The following PAK3 variants were observed in gnomAD, a reference collection of about 807,000 sequenced individuals.
The protein encoded by PAK3 is p21 (RAC1) activated kinase 3.
A neutral mutation model predicts 41.0 loss-of-function variants in PAK3; 4 were observed. The ratio of observed to expected loss-of-function variants is 0.10; its 90% CI spans 0.05 to 0.22. The LOEUF (loss-of-function observed/expected upper bound fraction) is 0.22, where lower values mean the gene tolerates loss of function less well. PAK3 is among the 10% of genes least tolerant of loss of function. PAK3 has a pLI of 1.00. For synonymous variants in PAK3, 146 were observed against 139.6 expected, an observed-to-expected ratio of 1.05 and a Z score of -0.32; for missense variants, 205 against 409.9, an observed-to-expected ratio of 0.50 and a Z score of 4.32.
At chrX:111,172,052 T>C (rs998508079) in intron 10 of PAK3, among the ~76,000 whole-genome samples, 11 of 111,743 alleles carry the variant, frequency 9.8e-5, no homozygotes, top group Non-Finnish European at 1.7e-4. Context: ...AATTACTCAA[T>C]AGATATTTGT....
At chrX:111,145,248 A>C (rs201012376) in intron 6 of PAK3, among the ~76,000 whole-genome samples, 2 of 112,260 alleles carry the variant, frequency 1.8e-5, no homozygotes, top group East Asian at 5.6e-4. Flanking sequence ...GAAAAAAGAA[A>C]TGTCAGCAGT....
At chrX:111,052,549 A>G (rs969051014) in intron 1 of PAK3, among the ~76,000 whole-genome samples, 3 of 112,159 alleles carry the variant, frequency 2.7e-5, no homozygotes, top group African/African-American at 9.7e-5. Flanking sequence ...AACAATTCCC[A>G]TGGTGGGGGT....
chrX:111,049,774 GAA>G (rs1456159288), intron 1 of PAK3, among the ~76,000 whole-genome samples: 1 of 112,170 alleles, frequency 8.9e-6, no homozygotes, highest in Admixed American at 9.4e-5. Context: ...GGAGTAGAAA[GAA>G]GAATGATGAT....
intron 16 of PAK3, among the ~76,000 whole-genome samples, chrX:111,214,844 G>A (rs1188639022): frequency 8.9e-6 from 1 of 111,814 alleles, no homozygotes; most frequent in Non-Finnish European, 1.9e-5. Context: ...AAAGGGGAAA[G>A]GGGATGATAA....
chrX:111,182,100 G>A (rs1044468048), intron 11 of PAK3, among the ~76,000 whole-genome samples: 1 of 111,509 alleles, frequency 9.0e-6, no homozygotes, highest in Non-Finnish European at 1.9e-5. Context: ...GAGTTTGCAC[G>A]TTAACTTGTT....
intron 1 of PAK3, among the ~76,000 whole-genome samples, chrX:111,054,590 T>C (rs1232272395): frequency 9.0e-6 from 1 of 111,489 alleles, no homozygotes; most frequent in African/African-American, 3.3e-5. Flanking sequence ...CCCTGCCCTC[T>C]TTGTTTCTCC....
At chrX:111,023,552 T>A (rs1220962967) in intron 1 of PAK3, among the ~76,000 whole-genome samples, 3 of 112,197 alleles carry the variant, frequency 2.7e-5, no homozygotes, top group Non-Finnish European at 5.6e-5. Flanking sequence ...CTCCAGCACC[T>A]GTTGTTTCCT....
chrX:110,974,661 A>G, intron 1 of PAK3, among the ~76,000 whole-genome samples: 1 of 111,945 alleles, frequency 8.9e-6, no homozygotes, highest in African/African-American at 3.3e-5. Context: ...CAACAAAAAA[A>G]GAGAATTGTA....
chrX:111,046,191 T>C lies in PAK3; in HGVS notation c.-27-76886T>C, dbSNP rs970082890. ...GGCACTGTGCTGGGTGCTTTACACATGTTAACTCTACTCATTTGCTGTCAG... is the reference window on the plus strand; with the variant it reads ...GGCACTGTGCTGGGTGCTTTACACACGTTAACTCTACTCATTTGCTGTCAG... On this transcript the variant is annotated intron_variant, in intron 1 of 14. Coordinates refer to the PAK3 transcript ENST00000425146. Among the ~76,000 whole-genome samples, 7 of 111,634 alleles carry C rather than the reference T, an allele frequency of 6.3e-5. No individual in the cohort carries two copies. The East Asian group carries it at 2.0e-3, about 32-fold the overall frequency.
At chrX:111,196,031 G>T in intron 15 of PAK3, 90 bp downstream of exon 15, 1 of 633,907 alleles carries the variant, frequency 1.6e-6, no homozygotes, top group South Asian at 2.3e-5. Context: ...TACTGAAAGT[G>T]ATTTATTTGA....
Position 111,082,791 on chromosome X carries a change from A to G in PAK3, c.-27-40286A>G, listed in dbSNP as rs762265589. On this transcript the variant is annotated intron_variant, in intron 1 of 14. Transcript: ENST00000425146. ...TCCTGACAGATGATAGACATTTAGC[A>G]ATGTTTTTTAAACTGATGATATTCT... Among the ~76,000 whole-genome samples the G allele has an allele frequency of 5.4e-5, 6 of 111,772 alleles. No individual in the cohort carries two copies. The East Asian group carries it at 1.7e-3, about 32-fold the overall frequency.
chrX:111,137,496 T>G (rs971355077), intron 5 of PAK3, among the ~76,000 whole-genome samples: 1 of 109,951 alleles, frequency 9.1e-6, no homozygotes, highest in Non-Finnish European at 1.9e-5. Context: ...TGATGTACAG[T>G]GAAGTATGAA....
chrX:111,204,769 G>A (rs1479055080), intron 16 of PAK3, among the ~76,000 whole-genome samples: 5 of 110,180 alleles, frequency 4.5e-5, no homozygotes, highest in Non-Finnish European at 5.7e-5. Context: ...ATTGTAGCTG[G>A]GAGAGTCAGA....
chrX:111,049,577 A>C (rs2092535824), intron 1 of PAK3, among the ~76,000 whole-genome samples: 1 of 112,372 alleles, frequency 8.9e-6, no homozygotes, highest in African/African-American at 3.2e-5. Flanking sequence ...AGGAGGAAAA[A>C]TCAGTATTAG....
chrX:110,956,661 C>T (rs896556704), intron 1 of PAK3, among the ~76,000 whole-genome samples: 2 of 111,499 alleles, frequency 1.8e-5, no homozygotes, highest in African/African-American at 3.3e-5. Context: ...CCCTGCTTTA[C>T]GACTCCCACT....
chrX:111,035,437 T>C (rs770934003), intron 1 of PAK3, among the ~76,000 whole-genome samples: 1 of 111,739 alleles, frequency 8.9e-6, no homozygotes, highest in African/African-American at 3.3e-5. Flanking sequence ...GCTGGATTTT[T>C]CCAAACCACC....
Position 110,990,218 on chromosome X carries a change from A to T in PAK3, c.-28+45590A>T, listed in dbSNP as rs191104359. 1.4e-3 allele frequency among the ~76,000 whole-genome samples: 160 copies of T among 112,056 alleles called. 1 individual carries two copies. The highest frequency in any genetic ancestry group is 2.2e-3 in the Non-Finnish European group (116 of 53,259). On this transcript the variant is annotated intron_variant, in intron 1 of 14. Coordinates refer to the PAK3 transcript ENST00000425146. ...TTCCTTAACTGTAAAAATGAGAAAA[A>T]TAAGATCTGTCTCTCTTGTGTCTCA...
intron 1 of PAK3, among the ~76,000 whole-genome samples, chrX:110,993,101 G>A (rs921966466): frequency 1.8e-5 from 2 of 111,783 alleles, no homozygotes; most frequent in African/African-American, 6.5e-5. Flanking sequence ...AGGTTACAGT[G>A]CAATGATTAT....
intron 1 of PAK3, among the ~76,000 whole-genome samples, chrX:110,988,389 G>A (rs1257111926): frequency 8.9e-6 from 1 of 111,738 alleles, no homozygotes; most frequent in Non-Finnish European, 1.9e-5. Flanking sequence ...CACACAGTAA[G>A]GGTAAATATT....
Sources: gnomAD v4.1 joint callset for allele counts (sites outside exome capture counted in the v4.1 genomes callset) on GRCh38, gnomAD v4.1.1 for gene constraint, MANE v1.5 for transcripts, NCBI Gene and HGNC (gene_info 2026-07-23, HGNC 2026-07-21) for gene names.